Variants in SLC24A2 observed in about 807,000 individuals in gnomAD.
SLC24A2 encodes the protein solute carrier family 24 member 2, also known as sodium/potassium/calcium exchanger 2.
SLC24A2 carries 36 observed loss-of-function variants against 62.0 expected under a neutral mutation model. The observed-to-expected ratio is 0.58, with a 90% CI of 0.44 to 0.77. SLC24A2 has a LOEUF of 0.77. Ranked by LOEUF, SLC24A2 falls within the 30% of genes least tolerant of loss-of-function variation. SLC24A2 has a pLI of 0.00. For missense variants in SLC24A2, 846 were observed against 817.9 expected (o/e 1.03, Z -0.42); for synonymous variants, 358 against 294.0 (o/e 1.22, Z -2.23).
chr9:20,024,961 T>C, the SLC24A2 span, among the ~76,000 whole-genome samples: 1 of 152,184 alleles, frequency 6.6e-6, no homozygotes. Context: ...AGCATCTGTC[T>C]TCTGTACCCT....
In SLC24A2 at chr9:19,516,294, G is replaced by C. The variant is rs1434625713; in HGVS notation, c.1845C>G (p.Leu615=). 3.7e-6 allele frequency: 6 copies of C among 1,614,198 alleles called. No individual in the cohort carries two copies. The highest frequency in any genetic ancestry group is 1.3e-5 in the African/African-American group (1 of 75,046). The change falls in exon 11 of 11, where the codon CTC becomes CTG. Residue 615 remains leucine (L), a synonymous_variant. Coordinates refer to ENST00000341998, the MANE Select transcript of SLC24A2 (RefSeq NM_020344.4). Reference sequence around the variant, plus strand: ...AGAGGGCGATAGAGAGGATGACGAAGAGCAGCATGATGAAGAGAAGGACGA... The same window carrying C: ...AGAGGGCGATAGAGAGGATGACGAACAGCAGCATGATGAAGAGAAGGACGA... The part of the protein sequence containing the change: ...CAIVLLFIML[L]FVILSIALCK...
At chr9:19,619,827 AG>A in intron 3 of SLC24A2, 135 bp from the exon 4 acceptor site, 1 of 727,196 alleles carries the variant, frequency 1.4e-6, no homozygotes, top group Non-Finnish European at 2.5e-6. Context: ...AGATTTTCAA[AG>A]CACATTTCAA....
the SLC24A2 span, among the ~76,000 whole-genome samples, chr9:20,134,678 A>C: frequency 1.3e-5 from 2 of 152,298 alleles, no homozygotes; most frequent in East Asian, 3.9e-4. Context: ...TCTTTGAAAA[A>C]TTCTAATAAA....
intron 9 of SLC24A2, among the ~76,000 whole-genome samples, chr9:19,521,864 CT>C (rs150938625): frequency 0.3 from 41,336 of 138,700 alleles, 6,062 homozygotes; most frequent in East Asian, 0.41. Flanking sequence ...TACTTTTTTT[CT>C]TTTTTTTTCT....
chr9:19,508,859 C>T lies in SLC24A2; in HGVS notation c.*7294G>A, dbSNP rs2132596815. On this transcript the variant is annotated 3_prime_UTR_variant, in exon 11 of 11. Coordinates refer to ENST00000341998, the MANE Select transcript of SLC24A2 (RefSeq NM_020344.4). The stretch of plus-strand genomic sequence containing the variant: ...ACATTAAAGTTTTTAGTTGTGGGGA[C>T]ATCTTTATATATGTGTGTGTAAACA... 1 of 151,992 alleles carries T rather than the reference C, an allele frequency of 6.6e-6. No homozygotes were observed. Among genetic ancestry groups the T allele is most frequent in the Non-Finnish European group, 1.5e-5 (1 of 67,994 alleles). 9.4% of individuals were successfully genotyped at this position (151,992 alleles called of 1,614,324 possible). A position where few individuals can be genotyped will look rare whatever the true frequency, so the allele number is the denominator to read the frequency against.
At chr9:20,274,160 G>A in the SLC24A2 span, among the ~76,000 whole-genome samples, 4 of 152,148 alleles carry the variant, frequency 2.6e-5, no homozygotes, top group African/African-American at 9.7e-5. Context: ...GTGTGTGGGT[G>A]GGTAGGAGGT....
At chr9:19,808,463 G>A in the SLC24A2 span, among the ~76,000 whole-genome samples, 131 of 152,274 alleles carry the variant, frequency 8.6e-4, no homozygotes, top group African/African-American at 3.0e-3. This position sits in a 1 kb window ranked among gnomAD's most constrained non-coding sequence, Gnocchi z 4.1. Context: ...TTTAGTGTGG[G>A]AAATTGTGAG....
At chr9:19,575,549 A>G (rs1218552039) in intron 6 of SLC24A2, among the ~76,000 whole-genome samples, 1 of 152,256 alleles carries the variant, frequency 6.6e-6, no homozygotes, top group Non-Finnish European at 1.5e-5. Flanking sequence ...GAAAATATGA[A>G]AATAAATCTT....
the SLC24A2 span, among the ~76,000 whole-genome samples, chr9:20,027,765 A>C: frequency 6.6e-6 from 1 of 152,206 alleles, no homozygotes; most frequent in South Asian, 2.1e-4. Context: ...TAATGACAAT[A>C]TATGGTATTC....
chr9:19,873,938 G>A, the SLC24A2 span, among the ~76,000 whole-genome samples: 1 of 152,038 alleles, frequency 6.6e-6, no homozygotes, highest in Non-Finnish European at 1.5e-5. Flanking sequence ...TGTGCAACTT[G>A]TTTCTCTAGA....
intron 7 of SLC24A2, among the ~76,000 whole-genome samples, chr9:19,558,804 TCTCA>T (rs1835240602): frequency 1.3e-5 from 2 of 152,208 alleles, no homozygotes; most frequent in African/African-American, 4.8e-5. Flanking sequence ...TTGAAAATAC[TCTCA>T]CTGACAAAGG....
At chr9:19,691,093 C>T (rs1407560757) in intron 2 of SLC24A2, among the ~76,000 whole-genome samples, 3 of 152,140 alleles carry the variant, frequency 2.0e-5, no homozygotes, top group Admixed American at 6.6e-5. Context: ...AGGTGTTCCA[C>T]TCAATTTTAG....
chr9:19,903,208 T>A, the SLC24A2 span, among the ~76,000 whole-genome samples: 1 of 152,162 alleles, frequency 6.6e-6, no homozygotes, highest in African/African-American at 2.4e-5. Flanking sequence ...CTCCCAGTTG[T>A]AAAGGCTGGA....
chr9:19,788,500 A>G, intron 1 of SLC24A2: 2 of 985,254 alleles, frequency 2.0e-6, no homozygotes, highest in African/African-American at 3.5e-5. Context: ...GTGGATTAAT[A>G]GGAAAATAAA....
At chr9:19,525,376 T>A (rs1833384921) in intron 9 of SLC24A2, among the ~76,000 whole-genome samples, 1 of 150,464 alleles carries the variant, frequency 6.6e-6, no homozygotes, top group Non-Finnish European at 1.5e-5. Context: ...AAGGTTTTTT[T>A]TTCCTATTTC....
chr9:19,906,076 A>G, the SLC24A2 span, among the ~76,000 whole-genome samples: 1 of 152,352 alleles, frequency 6.6e-6, no homozygotes, highest in Middle Eastern at 3.4e-3. Context: ...CATACTTGGA[A>G]GTAAAGCACT....
the SLC24A2 span, among the ~76,000 whole-genome samples, chr9:19,970,012 C>T: frequency 3.8e-4 from 58 of 152,260 alleles, no homozygotes; most frequent in African/African-American, 1.3e-3. Flanking sequence ...TGTGGCCTTG[C>T]TTCACACATC....
rs1564009444 is a variant in SLC24A2, at chr9:19,636,286, C to CTTCTCTTCTT, written c.931-13988_931-13987insAAGAAGAGAA. Among the ~76,000 whole-genome samples, 49 of 88,120 alleles carry CTTCTCTTCTT rather than the reference C, an allele frequency of 5.6e-4. 4 individuals carry two copies. Among genetic ancestry groups the CTTCTCTTCTT allele is most frequent in the Non-Finnish European group, 8.9e-4 (39 of 43,654 alleles). 57.8% of individuals were successfully genotyped at this position (88,120 alleles called of 152,430 possible). ...TTTTCTTCTCTTCTTCTCTTCTTCT[C>CTTCTCTTCTT]TTCTTTTCTTTTCTTTTCTTTTCTT... On this transcript the variant is annotated intron_variant, in intron 2 of 10. Transcript: ENST00000341998.
At chr9:19,834,513 G>A in the SLC24A2 span, among the ~76,000 whole-genome samples, 1 of 152,062 alleles carries the variant, frequency 6.6e-6, no homozygotes, top group Non-Finnish European at 1.5e-5. Flanking sequence ...AGTGTGAAGA[G>A]AAGTTTAGAG....
Sources: gnomAD v4.1 joint callset for allele counts (sites outside exome capture counted in the v4.1 genomes callset) on GRCh38, gnomAD v4.1.1 for gene constraint, Gnocchi (gnomAD v3.1) non-coding constraint, MANE v1.5 for transcripts, NCBI Gene and HGNC (gene_info 2026-07-23, HGNC 2026-07-21) for gene names.